The following ODF2 variants were observed in gnomAD, a reference collection of about 807,000 sequenced individuals.
ODF2 encodes outer dense fiber of sperm tails 2, also known as outer dense fiber protein 2.
In ODF2, 47 loss-of-function variants were observed where a neutral mutation model predicts 110.2. That is an observed-to-expected ratio of 0.43 (90% CI 0.34 to 0.54). The LOEUF (loss-of-function observed/expected upper bound fraction) is 0.54. ODF2 is among the 20% of genes least tolerant of loss of function. The probability of loss-of-function intolerance (pLI) is 0.03; values close to 1 mark genes in which losing one functional copy is unlikely to be tolerated. For missense variants in ODF2, 812 were observed against 1,054.5 expected, an observed-to-expected ratio of 0.77 and a Z score of 3.19; for synonymous variants, 352 against 397.7, an observed-to-expected ratio of 0.89 and a Z score of 1.37.
intron 1 of ODF2, 83 bp downstream of exon 1, chr9:128,456,338 C>G (rs1834767969): frequency 6.9e-7 from 1 of 1,447,976 alleles, no homozygotes; most frequent in Non-Finnish European, 9.0e-7. Context: ...CCGGCGCGGT[C>G]GACCCCGCGG....
intron 4 of ODF2, among the ~76,000 whole-genome samples, chr9:128,462,434 C>T (rs940954476): frequency 1.3e-5 from 2 of 151,200 alleles, no homozygotes; most frequent in Admixed American, 1.3e-4. Flanking sequence ...CAGGTGTGAG[C>T]CACCACACCC....
rs530584400 is a variant in ODF2, at chr9:128,469,167, C to A, written c.250-16C>A. The A allele has an allele frequency of 6.2e-7, 1 of 1,611,612 alleles. No individual in the cohort carries two copies. Among genetic ancestry groups the A allele is most frequent in the South Asian group, 1.1e-5 (1 of 90,998 alleles). ...CTGCCTTCTGAGTTCATGTGTTTCTCCCTCCTCTACATCAGAATCCACCTC... is the reference window on the plus strand; with the variant it reads ...CTGCCTTCTGAGTTCATGTGTTTCTACCTCCTCTACATCAGAATCCACCTC... On this transcript the variant is annotated splice_polypyrimidine_tract_variant and intron_variant, in intron 4 of 20. Coordinates refer to ENST00000604420, the Ensembl canonical transcript of ODF2.
At chr9:128,480,863 T>C (rs1040518596) in intron 8 of ODF2, among the ~76,000 whole-genome samples, 4 of 152,148 alleles carry the variant, frequency 2.6e-5, no homozygotes, top group Admixed American at 1.3e-4. Context: ...AAATACAATA[T>C]GATATTATTT....
At chr9:128,472,881 G>A in intron 6 of ODF2, 32 bp from the exon 7 acceptor site, 1 of 1,612,942 alleles carries the variant, frequency 6.2e-7, no homozygotes, top group South Asian at 1.1e-5. Context: ...GGGGGCCTGG[G>A]AGGGCTCACA....
intron 4 of ODF2, among the ~76,000 whole-genome samples, chr9:128,466,925 C>G (rs1477301873): frequency 4.0e-4 from 51 of 128,260 alleles, no homozygotes; most frequent in African/African-American, 1.5e-3. Context: ...TGCAGTGAGC[C>G]GAGATTGCAC....
At chr9:128,461,536 A>G (rs1434846009) in intron 4 of ODF2, among the ~76,000 whole-genome samples, 1 of 152,106 alleles carries the variant, frequency 6.6e-6, no homozygotes, top group Non-Finnish European at 1.5e-5. Flanking sequence ...CTCCAGCCTC[A>G]GCCTCCCTAG....
At chr9:128,488,591 A>G (rs1054251377) in intron 14 of ODF2, among the ~76,000 whole-genome samples, 1 of 152,252 alleles carries the variant, frequency 6.6e-6, no homozygotes, top group African/African-American at 2.4e-5. Flanking sequence ...CAGCCTGCGC[A>G]CATGAGATAG....
At chr9:128,455,678 G>GCA (rs149078806), upstream of ODF2, among the ~76,000 whole-genome samples, 2 of 151,206 alleles carry the variant, frequency 1.3e-5, no homozygotes, top group African/African-American at 4.9e-5. Context: ...TGTGGGCAGG[G>GCA]GAGAGGCCGG....
intron 7 of ODF2, 29 bp from the exon 8 acceptor site, chr9:128,473,581 A>G (rs746883145): frequency 6.2e-7 from 1 of 1,611,590 alleles, no homozygotes; most frequent in South Asian, 1.1e-5. Context: ...CTCCCCCTGC[A>G]TCTGTAAGAC....
intron 1 of ODF2, chr9:128,456,923 T>G: frequency 8.0e-7 from 1 of 1,252,698 alleles, no homozygotes; most frequent in Non-Finnish European, 1.0e-6. Flanking sequence ...TAACGCCCCT[T>G]CTCCTAGGAG....
At position 128,486,593 on chromosome 9, in the gene ODF2, G is replaced by A. The variant is rs118045236; in HGVS notation, c.1400+1119G>A. Among the ~76,000 whole-genome samples, 11 of 152,350 alleles carry A rather than the reference G, an allele frequency of 7.2e-5. No homozygotes were observed. In the East Asian group the frequency reaches 2.1e-3, roughly 29 times the overall value. ...AAGATAGAGGAGTAAGCACCTGTGAGCCCCAGGGCTCCTCTTGAGGCCACA... is the reference window on the plus strand; with the variant it reads ...AAGATAGAGGAGTAAGCACCTGTGAACCCCAGGGCTCCTCTTGAGGCCACA... On this transcript the variant is annotated intron_variant, in intron 13 of 20. Transcript: ENST00000604420.
chr9:128,487,746 C>T (rs989696694), intron 13 of ODF2, 144 bp from the exon 14 acceptor site: 13 of 898,602 alleles, frequency 1.4e-5, no homozygotes, highest in African/African-American at 3.3e-5. Flanking sequence ...AAGATCGCGC[C>T]ACTGCACTCC....
chr9:128,499,267 T>A, intron 20 of ODF2, 141 bp downstream of exon 20: 1 of 993,060 alleles, frequency 1.0e-6, no homozygotes, highest in Non-Finnish European at 1.5e-6. Flanking sequence ...TTCTATCCCT[T>A]AAGGATATCC....
In ODF2 at chr9:128,485,449, G is replaced by C. The variant is rs1470853892; in HGVS notation, c.1375G>C (p.Glu459Gln). Residue 459 changes from glutamate to glutamine, a missense_variant, in exon 13 of 21, where the codon GAG (glutamate) becomes CAG (glutamine). Coordinates refer to ENST00000604420, the Ensembl canonical transcript of ODF2. The surrounding 1 kb of genome is among the most constrained non-coding windows in gnomAD (Gnocchi z 5.0). ...AGTTGTAAAAGAAAAGGGAGACCTT[G>C]AGCTGGAAATTATTGTCCTGAATGA... 6.2e-7 allele frequency: 1 copy of C among 1,600,592 alleles called. No individual in the cohort carries two copies. Among genetic ancestry groups the C allele is most frequent in the Non-Finnish European group, 8.6e-7 (1 of 1,168,092 alleles).
chr9:128,487,653 G>A (rs1201261552), intron 13 of ODF2, among the ~76,000 whole-genome samples: 3 of 152,206 alleles, frequency 2.0e-5, no homozygotes, highest in East Asian at 3.9e-4. Context: ...CGGGCGTGGC[G>A]GTGGGCGCCT....
At chr9:128,455,801 G>A (rs1319714485), upstream of ODF2, among the ~76,000 whole-genome samples, 1 of 152,154 alleles carries the variant, frequency 6.6e-6, no homozygotes, top group Non-Finnish European at 1.5e-5. Flanking sequence ...TCCTCTGTGA[G>A]CCTAGTTTCC....
intron 4 of ODF2, among the ~76,000 whole-genome samples, chr9:128,465,992 T>G (rs2131594680): frequency 6.6e-6 from 1 of 150,954 alleles, no homozygotes; most frequent in Non-Finnish European, 1.5e-5. Context: ...ATACAAAAAT[T>G]ACCCTGGCGT....
At chr9:128,455,895 G>A, upstream of ODF2, 1 of 1,288,740 alleles carries the variant, frequency 7.8e-7, no homozygotes, top group Non-Finnish European at 1.0e-6. Flanking sequence ...AGGGGAAACA[G>A]GGCCGAGCGG....
intron 18 of ODF2, chr9:128,497,439 AAAAAAAAATAT>A (rs1845751413): frequency 6.3e-5 from 6 of 95,680 alleles, no homozygotes; most frequent in African/African-American, 1.1e-4. Context: ...AAAAAAAAAA[AAAAAAAAATAT>A]ATATATATAT....
Sources: allele counts gnomAD v4.1 joint callset (sites outside exome capture counted in the v4.1 genomes callset), GRCh38; gene constraint gnomAD v4.1.1; non-coding constraint Gnocchi (gnomAD v3.1); transcripts MANE v1.5; gene names NCBI Gene and HGNC (gene_info 2026-07-23, HGNC 2026-07-21).